The following KIF13B variants were observed in gnomAD, a reference collection of about 807,000 sequenced individuals.
KIF13B encodes the protein kinesin family member 13B, also known as kinesin-like protein KIF13B.
KIF13B carries 127 observed loss-of-function variants against 222.0 expected under a neutral mutation model. The ratio of observed to expected loss-of-function variants is 0.57; its 90% CI spans 0.50 to 0.66. KIF13B has a LOEUF of 0.66. Ranked by LOEUF, KIF13B falls within the 30% of genes least tolerant of loss-of-function variation. The pLI, the probability that KIF13B is intolerant of heterozygous loss-of-function variation, is 0.00. For synonymous variants in KIF13B, 976 were observed against 919.0 expected (o/e 1.06, Z -1.12); for missense variants, 2,173 against 2,379.0 (o/e 0.91, Z 1.80).
intron 36 of KIF13B, among the ~76,000 whole-genome samples, chr8:29,097,669 T>A (rs1808595457): frequency 6.6e-6 from 1 of 152,156 alleles, no homozygotes; most frequent in African/African-American, 2.4e-5. Context: ...ATACTCTGAA[T>A]AGAATGAAAA....
Position 29,181,949 on chromosome 8 carries a change from T to C in KIF13B, c.555A>G (p.Gly185=), listed in dbSNP as rs775917766. ...EHSVLGPYVD[G]LSKLAVTSYK... ...AGCTTGTGACAGCCAGTTTAGAAAG[T>C]CCGTCGACATAAGGTCCCAACACAC... Residue 185 remains glycine (G), a synonymous_variant, in exon 7 of 40, where the codon GGA becomes GGG. Transcript: ENST00000524189. 1 of 1,613,576 alleles carries C rather than the reference T, an allele frequency of 6.2e-7. No homozygotes were observed. The highest frequency in any genetic ancestry group is 1.7e-5 in the Admixed American group (1 of 59,970).
chr8:29,167,497 C>T lies in KIF13B; in HGVS notation c.1034G>A (p.Arg345Gln), dbSNP rs1250683588. 8.1e-6 allele frequency: 13 copies of T among 1,613,884 alleles called. No homozygotes were observed. Among genetic ancestry groups the T allele is most frequent in the Non-Finnish European group, 1.1e-5 (13 of 1,179,790 alleles). ...DNYDETLSTL[R>Q]YADRAKHIVN... is the part of the protein sequence containing the mutation. ...AATGTGCTTGGCTCGATCTGCATAC[C>T]GCAGAGTTGAGAGGGTTTCATCATA... The change falls in exon 11 of 40, where the codon CGG becomes CAG. Residue 345 changes from arginine to glutamine, a missense_variant. This residue lies in a region of KIF13B where 1,480 missense variants were observed against 1,722.8 expected (regional missense o/e 0.86). Transcript: ENST00000524189.
intron 1 of KIF13B, among the ~76,000 whole-genome samples, chr8:29,259,855 T>A (rs1301250333): frequency 6.6e-6 from 1 of 152,222 alleles, no homozygotes; most frequent in African/African-American, 2.4e-5. Context: ...GACAAAAATT[T>A]ACCCTTTTCT....
intron 37 of KIF13B, among the ~76,000 whole-genome samples, chr8:29,088,471 A>T (rs1197929589): frequency 1.3e-5 from 2 of 152,162 alleles, no homozygotes; most frequent in Non-Finnish European, 2.9e-5. Context: ...GGTAAGAACA[A>T]ACTCTGAGGC....
chr8:29,187,845 CAAG>C (rs1024974741), intron 5 of KIF13B, among the ~76,000 whole-genome samples: 1 of 152,176 alleles, frequency 6.6e-6, no homozygotes, highest in Non-Finnish European at 1.5e-5. Context: ...GACAACCCTA[CAAG>C]AAGGTCTATG....
intron 1 of KIF13B, among the ~76,000 whole-genome samples, chr8:29,259,279 T>C (rs1816598438): frequency 1.3e-5 from 2 of 152,196 alleles, no homozygotes; most frequent in African/African-American, 4.8e-5. Context: ...CCACATCAAG[T>C]ATTGGAAAAT....
chr8:29,154,422 C>A (rs952365578), intron 14 of KIF13B, among the ~76,000 whole-genome samples: 1 of 151,448 alleles, frequency 6.6e-6, no homozygotes, highest in African/African-American at 2.4e-5. Flanking sequence ...GGCAGGGAGC[C>A]GGTGTGAGAA....
intron 19 of KIF13B, among the ~76,000 whole-genome samples, chr8:29,141,837 G>T (rs552168189): frequency 6.6e-6 from 1 of 152,298 alleles, no homozygotes; most frequent in Admixed American, 6.5e-5. Context: ...CAAATAATGA[G>T]GCCTGGCCTC....
In KIF13B at chr8:29,251,007, C is replaced by T. The variant is rs765498626; in HGVS notation, c.56-5568G>A. Among the ~76,000 whole-genome samples the T allele has an allele frequency of 5.3e-4, 81 of 151,908 alleles. 1 individual carries two copies. Among genetic ancestry groups the T allele is most frequent in the Non-Finnish European group, 5.6e-4 (38 of 67,958 alleles). The stretch of plus-strand genomic sequence containing the variant: ...CTCTACAAAAAATACAAAAATTAGC[C>T]GGGCGTGGAGGTGGGAGCCTGTAAT... On this transcript the variant is annotated intron_variant, in intron 1 of 39. Coordinates refer to ENST00000524189, the MANE Select transcript of KIF13B (RefSeq NM_015254.4).
At chr8:29,075,069 C>A (rs1054261102) in intron 38 of KIF13B, among the ~76,000 whole-genome samples, 1 of 152,122 alleles carries the variant, frequency 6.6e-6, no homozygotes, top group Non-Finnish European at 1.5e-5. Flanking sequence ...AGTCAAGCAC[C>A]TAAAAGTTTA....
chr8:29,120,177 T>G (rs1056772727), intron 29 of KIF13B, among the ~76,000 whole-genome samples: 27 of 149,658 alleles, frequency 1.8e-4, no homozygotes, highest in African/African-American at 2.7e-4. Flanking sequence ...TTTTTTTTTT[T>G]TTTTTTTTTT....
At chr8:29,153,067 G>C (rs952214681) in intron 14 of KIF13B, among the ~76,000 whole-genome samples, 1 of 152,164 alleles carries the variant, frequency 6.6e-6, no homozygotes, top group East Asian at 1.9e-4. Context: ...CTGTATAATA[G>C]ATTATTATCC....
At chr8:29,202,902 T>A (rs1813762015) in intron 2 of KIF13B, among the ~76,000 whole-genome samples, 1 of 151,940 alleles carries the variant, frequency 6.6e-6, no homozygotes, top group South Asian at 2.1e-4. Flanking sequence ...CCATTCCCCC[T>A]AGCAATTCTG....
At chr8:29,174,122 C>T (rs1812378794) in intron 10 of KIF13B, among the ~76,000 whole-genome samples, 1 of 152,082 alleles carries the variant, frequency 6.6e-6, no homozygotes, top group South Asian at 2.1e-4. Context: ...GATAAGAGCA[C>T]CTAAAATATA....
At chr8:29,115,411 C>T (rs1383981733) in intron 31 of KIF13B, among the ~76,000 whole-genome samples, 1 of 151,528 alleles carries the variant, frequency 6.6e-6, no homozygotes, top group African/African-American at 2.4e-5. Context: ...ACCGCAACCT[C>T]CGCCTCCCGG....
intron 21 of KIF13B, among the ~76,000 whole-genome samples, chr8:29,136,980 T>C (rs1246002932): frequency 6.6e-6 from 1 of 151,710 alleles, no homozygotes; most frequent in East Asian, 1.9e-4. Context: ...TTTTGTATTT[T>C]TAGTAGAGAC....
intron 18 of KIF13B, among the ~76,000 whole-genome samples, chr8:29,145,017 T>C (rs545316202): frequency 2.6e-5 from 4 of 152,320 alleles, no homozygotes; most frequent in Admixed American, 2.0e-4. Flanking sequence ...TTTCAACTTA[T>C]ACACTATAAA....
chr8:29,231,454 C>A (rs1425131233), intron 2 of KIF13B, among the ~76,000 whole-genome samples: 1 of 152,168 alleles, frequency 6.6e-6, no homozygotes, highest in Non-Finnish European at 1.5e-5. Flanking sequence ...GCAAGTGTGG[C>A]CATGACTGGC....
At chr8:29,232,839 A>G (rs1229178061) in intron 2 of KIF13B, among the ~76,000 whole-genome samples, 1 of 151,926 alleles carries the variant, frequency 6.6e-6, no homozygotes, top group Non-Finnish European at 1.5e-5. Context: ...CCACTCTCTC[A>G]CCCCTCCAGC....
Sources: allele counts gnomAD v4.1 joint callset (sites outside exome capture counted in the v4.1 genomes callset), GRCh38; gene constraint gnomAD v4.1.1; regional missense constraint gnomAD v4.1.1; transcripts MANE v1.5; gene names NCBI Gene and HGNC (gene_info 2026-07-23, HGNC 2026-07-21).